PIK3C2A: variants seen among roughly 807,000 people sequenced by gnomAD.
The protein encoded by PIK3C2A is phosphatidylinositol 4-phosphate 3-kinase C2 domain-containing subunit alpha.
In PIK3C2A, 97 loss-of-function variants were observed where a neutral mutation model predicts 204.5. The ratio of observed to expected loss-of-function variants is 0.47; its 90% CI spans 0.40 to 0.56. The LOEUF (loss-of-function observed/expected upper bound fraction) is 0.56. Ranked by LOEUF, PIK3C2A falls within the 20% of genes least tolerant of loss-of-function variation. PIK3C2A has a pLI of 0.00. For missense variants in PIK3C2A, 1,735 were observed against 1,969.2 expected (o/e 0.88, Z 2.25); for synonymous variants, 653 against 664.4 (o/e 0.98, Z 0.26).
chr11:17,151,275 G>A (rs939580998), intron 3 of PIK3C2A, among the ~76,000 whole-genome samples: 2 of 152,158 alleles, frequency 1.3e-5, no homozygotes, highest in East Asian at 1.9e-4. Flanking sequence ...CATGAATGTG[G>A]TGTATGGCTC....
intron 22 of PIK3C2A, 116 bp from the exon 23 acceptor site, chr11:17,105,421 C>T: frequency 2.4e-6 from 2 of 841,950 alleles, no homozygotes; most frequent in South Asian, 3.4e-5. Flanking sequence ...GATACACGTG[C>T]AGAATGTGCA....
chr11:17,131,419 A>ATTTTTTTTTTTTTTTTTTTTTTTTTT (rs68020564), intron 12 of PIK3C2A, among the ~76,000 whole-genome samples: 1 of 79,466 alleles, frequency 1.3e-5, no homozygotes, highest in African/African-American at 4.2e-5. Flanking sequence ...AGGGTATTTC[A>ATTTTTTTTTTTTTTTTTTTTTTTTTT]TTTTTTTTTT....
intron 1 of PIK3C2A, among the ~76,000 whole-genome samples, chr11:17,173,948 G>A (rs1851256754): frequency 2.0e-5 from 3 of 152,018 alleles, no homozygotes; most frequent in Admixed American, 6.6e-5. Flanking sequence ...GATTACAGGC[G>A]CTCGCCACCA....
At chr11:17,121,299 T>A (rs1216401733) in intron 15 of PIK3C2A, among the ~76,000 whole-genome samples, 1 of 151,986 alleles carries the variant, frequency 6.6e-6, no homozygotes, top group Non-Finnish European at 1.5e-5. Context: ...AATTTTTTTG[T>A]AGAGACAGGG....
intron 1 of PIK3C2A, chr11:17,194,197 C>A: frequency 2.1e-6 from 1 of 474,564 alleles, no homozygotes. Context: ...TTGGGTTGTG[C>A]CGGCCAAACG....
chr11:17,091,514 C>G, intron 31 of PIK3C2A, 33 bp downstream of exon 31: 1 of 1,609,060 alleles, frequency 6.2e-7, no homozygotes, highest in Non-Finnish European at 8.5e-7. Flanking sequence ...GTAAGGGTTT[C>G]CTCTACAACC....
At chr11:17,157,654 C>T (rs1213119215) in intron 2 of PIK3C2A, among the ~76,000 whole-genome samples, 2 of 152,126 alleles carry the variant, frequency 1.3e-5, no homozygotes, top group East Asian at 3.9e-4. Context: ...CTAAAGCTTT[C>T]CCTTAGGTTG....
intron 4 of PIK3C2A, 93 bp from the exon 5 acceptor site, chr11:17,148,880 A>G (rs1850338541): frequency 2.0e-6 from 2 of 995,528 alleles, no homozygotes; most frequent in South Asian, 4.1e-5. Flanking sequence ...ATACAATAGA[A>G]ATATAATGTA....
Position 17,097,075 on chromosome 11 carries a change from G to A in PIK3C2A, c.4308C>T (p.Tyr1436=). The A allele has an allele frequency of 6.4e-7, 1 of 1,570,686 alleles. No homozygotes were observed. The highest frequency in any genetic ancestry group is 1.3e-5 in the African/African-American group (1 of 74,098). The part of the protein sequence containing the change: ...EVSVFTYHKK[Y]NPDKHYIYVV... ...AACTTACATAATGTTTATCTGGGTT[G>A]TATTTCTTATGATATGTAAAAACAG... The change falls in exon 27 of 33, where the codon TAC becomes TAT. Residue 1436 remains tyrosine, a synonymous_variant. Transcript: ENST00000691414.
chr11:17,163,794 G>A (rs867442284), intron 2 of PIK3C2A, among the ~76,000 whole-genome samples: 7 of 151,154 alleles, frequency 4.6e-5, no homozygotes, highest in Admixed American at 6.6e-5. Flanking sequence ...TATATTTAAC[G>A]TACTGAAAAA....
intron 15 of PIK3C2A, among the ~76,000 whole-genome samples, chr11:17,120,680 C>A (rs112832635): frequency 6.5e-4 from 99 of 152,284 alleles, no homozygotes; most frequent in African/African-American, 2.2e-3. Flanking sequence ...GAGGCACACA[C>A]ACGGATATAT....
intron 1 of PIK3C2A, among the ~76,000 whole-genome samples, chr11:17,199,989 A>G (rs1852310186): frequency 6.6e-6 from 1 of 151,616 alleles, no homozygotes; most frequent in Non-Finnish European, 1.5e-5. Context: ...ACAGCTACAG[A>G]GTTTGTTTGG....
intron 1 of PIK3C2A, among the ~76,000 whole-genome samples, chr11:17,180,011 C>G (rs1851482304): frequency 6.6e-6 from 1 of 152,082 alleles, no homozygotes; most frequent in Non-Finnish European, 1.5e-5. Context: ...ATCTAGAAGC[C>G]ATATGTAAAA....
At position 17,131,931 on chromosome 11, in the gene PIK3C2A, A is replaced by G. The variant is rs1437295341; in HGVS notation, c.2216T>C (p.Ile739Thr). Reference protein sequence around the residue: ...VGTYKNFFYLIKWDELIIFPI... With the variant: ...VGTYKNFFYLTKWDELIIFPI... Reference sequence around the variant, plus strand: ...TTTCACTTACAGTTCATCCCATTTAATAAGATAGAAGAAATTCTTGTAAGT... The same window carrying G: ...TTTCACTTACAGTTCATCCCATTTAGTAAGATAGAAGAAATTCTTGTAAGT... Residue 739 changes from isoleucine (I) to threonine (T), a missense_variant, in exon 12 of 33, where the codon ATT becomes ACT. This residue lies in a region of PIK3C2A where 567 missense variants were observed against 576.0 expected (regional missense o/e 0.98). Coordinates refer to ENST00000691414, the MANE Select transcript of PIK3C2A (RefSeq NM_002645.4). 6.2e-7 allele frequency: 1 copy of G among 1,602,002 alleles called. No homozygotes were observed. The highest frequency in any genetic ancestry group is 8.5e-7 in the Non-Finnish European group (1 of 1,174,598).
intron 1 of PIK3C2A, among the ~76,000 whole-genome samples, chr11:17,192,905 G>T (rs930869069): frequency 7.9e-5 from 12 of 152,368 alleles, no homozygotes; most frequent in African/African-American, 2.9e-4. Flanking sequence ...AATTGCCATT[G>T]TGATAGTATT....
rs529820653 is a variant in PIK3C2A, at chr11:17,146,116, G to T, written c.1561-174C>A. Among the ~76,000 whole-genome samples the T allele has an allele frequency of 7.9e-5, 12 of 152,186 alleles. No homozygotes were observed. The South Asian group carries it at 2.5e-3, about 32-fold the overall frequency. ...TTTGTAACTGACTCAGAAAAAAAGT[G>T]AGTCAACATCCTGAAAAAAAACTTG... On this transcript the variant is annotated intron_variant, in intron 6 of 32. Coordinates refer to ENST00000691414, the MANE Select transcript of PIK3C2A (RefSeq NM_002645.4).
intron 1 of PIK3C2A, among the ~76,000 whole-genome samples, chr11:17,195,741 G>GT (rs370053887): frequency 0.39 from 51,029 of 131,592 alleles, 10,338 homozygotes; most frequent in Middle Eastern, 0.54. Context: ...AGACTCTATT[G>GT]CAAAAAAAAA....
intron 4 of PIK3C2A, among the ~76,000 whole-genome samples, chr11:17,149,736 A>G (rs1850367898): frequency 6.6e-6 from 1 of 152,150 alleles, no homozygotes; most frequent in African/African-American, 2.4e-5. Context: ...AACAACAAAA[A>G]AACACAAAAC....
intron 23 of PIK3C2A, among the ~76,000 whole-genome samples, chr11:17,104,714 G>A (rs1178775210): frequency 8.5e-6 from 1 of 118,328 alleles, no homozygotes; most frequent in Non-Finnish European, 1.7e-5. Flanking sequence ...GACAGAGTGA[G>A]ACTCCATCTC....
Sources: gnomAD v4.1 joint callset for allele counts (sites outside exome capture counted in the v4.1 genomes callset) on GRCh38, gnomAD v4.1.1 for gene constraint, gnomAD v4.1.1 regional missense constraint, MANE v1.5 for transcripts, NCBI Gene and HGNC (gene_info 2026-07-23, HGNC 2026-07-21) for gene names.